TIAM2: variants seen among roughly 807,000 people sequenced by gnomAD.
The protein encoded by TIAM2 is rho guanine nucleotide exchange factor TIAM2.
Under a neutral mutation model 152.9 loss-of-function variants are expected in TIAM2, and 80 were observed. The observed-to-expected ratio is 0.52, with a 90% CI of 0.44 to 0.63. The LOEUF is 0.63. TIAM2 is among the 30% of genes least tolerant of loss of function. TIAM2 has a pLI of 0.00. For missense variants in TIAM2, 1,965 were observed against 2,120.1 expected (o/e 0.93, Z 1.44); for synonymous variants, 804 against 838.0 (o/e 0.96, Z 0.70).
At chr6:155,243,744 G>A (rs1359887084) in intron 16 of TIAM2, among the ~76,000 whole-genome samples, 2 of 150,670 alleles carry the variant, frequency 1.3e-5, no homozygotes, top group Admixed American at 1.3e-4. Context: ...CTATGTGGGA[G>A]GCTGAGGCAG....
intron 15 of TIAM2, among the ~76,000 whole-genome samples, chr6:155,212,694 TCGGCC>T (rs539085148): frequency 0.027 from 2,742 of 100,856 alleles, 84 homozygotes; most frequent in African/African-American, 0.12. Flanking sequence ...CTAGGCCCAC[TCGGCC>T]CACTCGACCT....
chr6:155,216,043 G>C (rs1305984148), intron 15 of TIAM2, among the ~76,000 whole-genome samples: 1 of 152,030 alleles, frequency 6.6e-6, no homozygotes, highest in African/African-American at 2.4e-5. Context: ...TCCTGGGCTG[G>C]AGCAATACTC....
chr6:155,179,074 G>A lies in TIAM2; in HGVS notation c.2559G>A (p.Gln853=), dbSNP rs1780827476. The change falls in exon 11 of 27, where the codon CAG becomes CAA. Residue 853 remains glutamine (Q), a synonymous_variant. Transcript: ENST00000682666. The stretch of plus-strand genomic sequence containing the variant: ...TGGAACCCAGCCATTATGGCCTACA[G>A]CTTCGAAAATTAGTAGATGACAATG... ...RQLEPSHYGL[Q]LRKLVDDNVE... 2 of 1,614,086 alleles carry A rather than the reference G, an allele frequency of 1.2e-6. No individual in the cohort carries two copies. Among genetic ancestry groups the A allele is most frequent in the Non-Finnish European group, 1.7e-6 (2 of 1,179,998 alleles).
rs550918950 is a variant in TIAM2, at chr6:155,055,713, G to C, written c.-208-34576G>C. Reference sequence around the variant, plus strand: ...GTGGTGGGTCACGTCTGTAATCCCAGTGCTTTGGGAGGCCAAGGTGGGAGG... The same window carrying C: ...GTGGTGGGTCACGTCTGTAATCCCACTGCTTTGGGAGGCCAAGGTGGGAGG... On this transcript the variant is annotated intron_variant, in intron 1 of 26. Coordinates refer to ENST00000682666, the MANE Select transcript of TIAM2 (RefSeq NM_012454.4). 9.2e-5 allele frequency among the ~76,000 whole-genome samples: 14 copies of C among 152,320 alleles called. No homozygotes were observed. In the South Asian group the frequency reaches 2.9e-3, roughly 32 times the overall value.
At chr6:155,057,135 C>T (rs1777471233) in intron 1 of TIAM2, among the ~76,000 whole-genome samples, 1 of 149,050 alleles carries the variant, frequency 6.7e-6, no homozygotes, top group South Asian at 2.1e-4. Context: ...TTCAAGCGAC[C>T]CTCTTAACTC....
At chr6:155,159,233 C>T (rs563242594) in intron 7 of TIAM2, among the ~76,000 whole-genome samples, 4 of 152,174 alleles carry the variant, frequency 2.6e-5, no homozygotes, top group Non-Finnish European at 4.4e-5. Flanking sequence ...AATAGGGCCA[C>T]TGAGTGAGAG....
At chr6:155,006,044 C>G (rs1437646312) in intron 1 of TIAM2, among the ~76,000 whole-genome samples, 2 of 152,300 alleles carry the variant, frequency 1.3e-5, no homozygotes, top group East Asian at 1.9e-4. Context: ...GTTCTTGGAT[C>G]GAGCCGCCTG....
intron 4 of TIAM2, among the ~76,000 whole-genome samples, chr6:155,134,185 C>T (rs1189836081): frequency 6.6e-6 from 1 of 151,940 alleles, no homozygotes; most frequent in Non-Finnish European, 1.5e-5. Flanking sequence ...ATAGCAGGCA[C>T]CTTAGTTTCA....
chr6:155,247,876 T>C (rs902972010), intron 19 of TIAM2, 124 bp from the exon 20 acceptor site: 17 of 1,269,374 alleles, frequency 1.3e-5, no homozygotes, highest in Non-Finnish European at 1.5e-5. Context: ...GTGTTGGGGT[T>C]TTCATTAAAG....
At chr6:155,107,886 G>A (rs937260070) in intron 2 of TIAM2, among the ~76,000 whole-genome samples, 7 of 152,198 alleles carry the variant, frequency 4.6e-5, no homozygotes, top group Non-Finnish European at 1.0e-4. Context: ...AGCAGGGGCC[G>A]AGGAGCCCTG....
At chr6:155,003,719 T>C (rs1320388523) in intron 1 of TIAM2, among the ~76,000 whole-genome samples, 1 of 152,190 alleles carries the variant, frequency 6.6e-6, no homozygotes, top group African/African-American at 2.4e-5. Flanking sequence ...GGTTGTGTGT[T>C]TCCTCTGCCA....
chr6:155,176,977 G>T lies in TIAM2; in HGVS notation c.2523G>T (p.Lys841Asn), dbSNP rs1780775497. 1 of 1,602,482 alleles carries T rather than the reference G, an allele frequency of 6.2e-7. No homozygotes were observed. The highest frequency in any genetic ancestry group is 8.5e-7 in the Non-Finnish European group (1 of 1,175,342). ...AAGATATTTTGACTTTGGCATGCAA[G>T]GTAACGGATTTTGCTGCAGAAATAT... is the stretch of plus-strand genomic sequence containing the variant. ...RVEDILTLAC[K>N]MRQLEPSHYG... The change falls in exon 10 of 27, where the codon AAG (lysine) becomes AAT (asparagine). Residue 841 changes from lysine (K) to asparagine (N), a missense_variant and splice_region_variant. Lys to Asn is a moderately conservative substitution (Grantham distance 94). This residue lies in a region of TIAM2 where 1,025 missense variants were observed against 1,119.4 expected (regional missense o/e 0.92). Transcript: ENST00000682666.
chr6:155,230,947 A>G (rs1782448389), intron 15 of TIAM2, among the ~76,000 whole-genome samples: 1 of 151,670 alleles, frequency 6.6e-6, no homozygotes, highest in African/African-American at 2.4e-5. Flanking sequence ...AGTCCTCCCA[A>G]CTCAGGTCCT....
At chr6:155,113,074 C>CT (rs1778897104) in intron 2 of TIAM2, among the ~76,000 whole-genome samples, 1 of 152,130 alleles carries the variant, frequency 6.6e-6, no homozygotes, top group Non-Finnish European at 1.5e-5. Context: ...CTAATTATGA[C>CT]TTTTTTTCTC....
chr6:155,087,819 A>G (rs977104445), intron 1 of TIAM2, among the ~76,000 whole-genome samples: 1 of 152,176 alleles, frequency 6.6e-6, no homozygotes, highest in Non-Finnish European at 1.5e-5. Context: ...AAGCAAATTT[A>G]AAAGTTTTAA....
chr6:155,140,104 G>A (rs921173439), intron 5 of TIAM2, among the ~76,000 whole-genome samples: 1 of 152,220 alleles, frequency 6.6e-6, no homozygotes, highest in Non-Finnish European at 1.5e-5. Flanking sequence ...GATGTCATGT[G>A]ATCATCAGCT....
chr6:155,093,522 T>G (rs1778347532), intron 2 of TIAM2, among the ~76,000 whole-genome samples: 1 of 152,228 alleles, frequency 6.6e-6, no homozygotes, highest in African/African-American at 2.4e-5. Flanking sequence ...GAAGCAGGGA[T>G]GCTGTGTCTG....
At position 155,149,381 on chromosome 6, in the gene TIAM2, A is replaced by G. The variant is rs1361937309; in HGVS notation, c.2028+1047A>G. Among the ~76,000 whole-genome samples, 3 of 152,336 alleles carry G rather than the reference A, an allele frequency of 2.0e-5. No individual in the cohort carries two copies. In the East Asian group the frequency reaches 5.8e-4, roughly 29 times the overall value. ...CCTGGGAACTTGAATGAGGAATGGG[A>G]TGAAGATAGATAGTGAGCAGGTTCT... On this transcript the variant is annotated intron_variant, in intron 7 of 26. Coordinates refer to ENST00000682666, the MANE Select transcript of TIAM2 (RefSeq NM_012454.4).
intron 1 of TIAM2, among the ~76,000 whole-genome samples, chr6:155,017,282 G>A (rs1189844709): frequency 3.9e-5 from 6 of 152,070 alleles, no homozygotes; most frequent in East Asian, 3.9e-4. Context: ...TGGTAATGAC[G>A]TGATTGTGGA....
Sources: gnomAD v4.1 joint callset for allele counts (sites outside exome capture counted in the v4.1 genomes callset) on GRCh38, gnomAD v4.1.1 for gene constraint, gnomAD v4.1.1 regional missense constraint, MANE v1.5 for transcripts, NCBI Gene and HGNC (gene_info 2026-07-23, HGNC 2026-07-21) for gene names.